RARB: variants seen among roughly 807,000 people sequenced by gnomAD.
RARB encodes retinoic acid receptor beta.
In RARB, 17 loss-of-function variants were observed where a neutral mutation model predicts 51.9. The ratio of observed to expected loss-of-function variants is 0.33; its 90% CI spans 0.22 to 0.49. The LOEUF (loss-of-function observed/expected upper bound fraction) is 0.49. Ranked by LOEUF, RARB falls within the 20% of genes least tolerant of loss-of-function variation. The probability of loss-of-function intolerance (pLI) is 0.99; values close to 1 mark genes in which losing one functional copy is unlikely to be tolerated. For synonymous variants in RARB, 215 were observed against 195.4 expected (o/e 1.10, Z -0.84); for missense variants, 369 against 550.8 (o/e 0.67, Z 3.30).
intron 5 of RARB, among the ~76,000 whole-genome samples, chr3:25,219,871 G>T (rs543992070): frequency 6.6e-6 from 1 of 152,278 alleles, no homozygotes; most frequent in Admixed American, 6.5e-5. Context: ...CGTGAGCCTT[G>T]ATACAGGAAA....
chr3:24,874,428 C>T (rs1382830556), intron 2 of RARB, among the ~76,000 whole-genome samples: 1 of 151,974 alleles, frequency 6.6e-6, no homozygotes, highest in African/African-American at 2.4e-5. Flanking sequence ...TGATGACTTT[C>T]TTTACCCATA....
intron 3 of RARB, among the ~76,000 whole-genome samples, chr3:25,069,848 A>T (rs1698733638): frequency 6.6e-6 from 1 of 152,218 alleles, no homozygotes; most frequent in Non-Finnish European, 1.5e-5. Context: ...TGTGGCCTCC[A>T]TTAGGGGAGC....
At chr3:25,463,321 C>T (rs566584466) in intron 2 of RARB, among the ~76,000 whole-genome samples, 10 of 152,270 alleles carry the variant, frequency 6.6e-5, no homozygotes, top group Admixed American at 5.9e-4. Context: ...ACCCTAGCTC[C>T]ACTGCCCAGC....
chr3:25,082,201 C>G (rs988261689), intron 3 of RARB, among the ~76,000 whole-genome samples: 1 of 151,554 alleles, frequency 6.6e-6, no homozygotes, highest in African/African-American at 2.4e-5. Context: ...GTGGAACTTA[C>G]CTTTTTCTGT....
intron 5 of RARB, among the ~76,000 whole-genome samples, chr3:25,340,577 T>G (rs6550963): frequency 0.13 from 19,872 of 152,200 alleles, 1,383 homozygotes; most frequent in South Asian, 0.2. Flanking sequence ...AAACATTACT[T>G]AGAAGCAAGT....
chr3:25,406,171 T>G (rs570451900), intron 5 of RARB, among the ~76,000 whole-genome samples: 1 of 152,292 alleles, frequency 6.6e-6, no homozygotes, highest in Admixed American at 6.5e-5. Context: ...CTGGCCACAT[T>G]CAGGTCATGG....
In RARB at chr3:25,202,218, G is replaced by A. The variant is rs911351570; in HGVS notation, c.178+27643G>A. Among the ~76,000 whole-genome samples the A allele has an allele frequency of 1.3e-5, 2 of 152,114 alleles. 1 individual carries two copies. Among genetic ancestry groups the A allele is most frequent in the Admixed American group, 1.3e-4 (2 of 15,280 alleles). On this transcript the variant is annotated intron_variant, in intron 5 of 11. Transcript: ENST00000383772. ...TTCTTCTAGATTTTCTAGTTTATTT[G>A]CGTAGAGGTGTTTATAGTATTCTCT...
At chr3:25,208,055 G>A (rs774578471) in intron 5 of RARB, among the ~76,000 whole-genome samples, 25 of 152,032 alleles carry the variant, frequency 1.6e-4, no homozygotes, top group African/African-American at 2.7e-4. Flanking sequence ...GCTACGCACC[G>A]TTAAGCAACC....
chr3:25,507,030 T>C (rs1301890030), intron 3 of RARB, among the ~76,000 whole-genome samples: 1 of 152,272 alleles, frequency 6.6e-6, no homozygotes, highest in African/African-American at 2.4e-5. Flanking sequence ...TTCCACACTC[T>C]AGGCAGAATT....
chr3:25,186,777 C>T (rs867989255), intron 5 of RARB, among the ~76,000 whole-genome samples: 1 of 151,664 alleles, frequency 6.6e-6, no homozygotes. Context: ...ACTGAGACAC[C>T]TATAACAAAA....
intron 5 of RARB, among the ~76,000 whole-genome samples, chr3:25,342,683 G>A (rs985007997): frequency 1.3e-5 from 2 of 152,132 alleles, no homozygotes; most frequent in Admixed American, 6.5e-5. Context: ...CTGTAATTAG[G>A]TTTTCTCTTA....
At chr3:25,280,037 A>G (rs1001906567) in intron 5 of RARB, among the ~76,000 whole-genome samples, 1 of 152,174 alleles carries the variant, frequency 6.6e-6, no homozygotes, top group African/African-American at 2.4e-5. Flanking sequence ...TTAACTAGAG[A>G]AAAGCATACA....
At chr3:24,830,409 G>C (rs1315718383) in intron 1 of RARB, among the ~76,000 whole-genome samples, 2 of 149,436 alleles carry the variant, frequency 1.3e-5, no homozygotes, top group Non-Finnish European at 3.0e-5. Flanking sequence ...AAGTGAACAG[G>C]TGACAGAAGA....
chr3:25,183,364 T>G (rs567406694), intron 5 of RARB, among the ~76,000 whole-genome samples: 1 of 152,168 alleles, frequency 6.6e-6, no homozygotes, highest in African/African-American at 2.4e-5. Context: ...TTTTTCAGAA[T>G]GAATTTCTTT....
chr3:25,190,666 T>C (rs1484451702), intron 5 of RARB, among the ~76,000 whole-genome samples: 1 of 152,102 alleles, frequency 6.6e-6, no homozygotes, highest in Non-Finnish European at 1.5e-5. Flanking sequence ...AGTTTTCTAG[T>C]TTCAAATGAT....
At chr3:25,193,575 AT>A (rs1470551020) in intron 5 of RARB, among the ~76,000 whole-genome samples, 1 of 152,086 alleles carries the variant, frequency 6.6e-6, no homozygotes, top group Non-Finnish European at 1.5e-5. Context: ...GTCATAAAAA[AT>A]AGTAGAAATT....
intron 3 of RARB, among the ~76,000 whole-genome samples, chr3:25,560,665 G>T (rs1463460368): frequency 2.0e-5 from 3 of 152,174 alleles, no homozygotes; most frequent in Non-Finnish European, 4.4e-5. Flanking sequence ...AGGCTGGAAT[G>T]CTGGTCTCAT....
chr3:25,547,419 A>G (rs767189214), intron 3 of RARB, among the ~76,000 whole-genome samples: 3 of 152,228 alleles, frequency 2.0e-5, no homozygotes, highest in Non-Finnish European at 4.4e-5. Flanking sequence ...TAAATGCTCA[A>G]TAATTGCCAT....
At chr3:25,368,189 T>C (rs1246272309) in intron 5 of RARB, among the ~76,000 whole-genome samples, 1 of 152,122 alleles carries the variant, frequency 6.6e-6, no homozygotes, top group African/African-American at 2.4e-5. Context: ...CTTGGCAAAG[T>C]GAAAAGTTGG....
Sources: gnomAD v4.1 joint callset for allele counts (sites outside exome capture counted in the v4.1 genomes callset) on GRCh38, gnomAD v4.1.1 for gene constraint, MANE v1.5 for transcripts, NCBI Gene and HGNC (gene_info 2026-07-23, HGNC 2026-07-21) for gene names.